DHX57: variants seen among roughly 807,000 people sequenced by gnomAD.
DHX57 encodes DExH-box helicase 57.
DHX57 carries 105 observed loss-of-function variants against 156.2 expected under a neutral mutation model. The ratio of observed to expected loss-of-function variants is 0.67; its 90% CI spans 0.57 to 0.79. The LOEUF is 0.79. DHX57 is among the 30% of genes least tolerant of loss of function. The probability of loss-of-function intolerance (pLI) is 0.00; values close to 1 mark genes in which losing one functional copy is unlikely to be tolerated. For synonymous variants in DHX57, 704 were observed against 595.6 expected (o/e 1.18, Z -2.65); for missense variants, 1,847 against 1,661.9 (o/e 1.11, Z -1.94).
intron 23 of DHX57, among the ~76,000 whole-genome samples, chr2:38,800,563 A>G (rs1407596774): frequency 6.6e-6 from 1 of 152,156 alleles, no homozygotes; most frequent in Non-Finnish European, 1.5e-5. Flanking sequence ...GAGCCCTGCC[A>G]GGGTGAATGG....
chr2:38,863,797 GA>G (rs1664897881), intron 2 of DHX57, among the ~76,000 whole-genome samples: 2 of 152,192 alleles, frequency 1.3e-5, no homozygotes, highest in South Asian at 4.1e-4. Flanking sequence ...CGGATCACCT[GA>G]GGTCAGGAGT....
intron 4 of DHX57, 49 bp downstream of exon 4, chr2:38,862,096 G>C: frequency 6.5e-7 from 1 of 1,527,928 alleles, no homozygotes; most frequent in Non-Finnish European, 8.8e-7. Context: ...ATATGATTTC[G>C]GTTTCCTTGA....
chr2:38,838,426 G>T (rs763040650), intron 12 of DHX57, among the ~76,000 whole-genome samples: 1 of 152,082 alleles, frequency 6.6e-6, no homozygotes, highest in Admixed American at 6.6e-5. Context: ...AGAAAATCCA[G>T]CCTCATCAGA....
intron 6 of DHX57, among the ~76,000 whole-genome samples, chr2:38,857,835 G>T (rs907224738): frequency 6.6e-6 from 1 of 152,184 alleles, no homozygotes; most frequent in Non-Finnish European, 1.5e-5. Context: ...TTGAGTCTTT[G>T]AAACAGGGTA....
chr2:38,819,037 T>TTA lies in DHX57; in HGVS notation c.3387+10_3387+11dup, dbSNP rs562119367. ...CTGGTAATAAAACTAAGCTATTAGGTTATATACTTACCTTATACGCTTGTA... is the reference window on the plus strand; with the variant it reads ...CTGGTAATAAAACTAAGCTATTAGGTTATATATACTTACCTTATACGCTTGTA... On this transcript the variant is annotated intron_variant, in intron 18 of 23. Coordinates refer to ENST00000457308, the MANE Select transcript of DHX57 (RefSeq NM_198963.3). The TTA allele has an allele frequency of 5.1e-4, 821 of 1,614,122 alleles. 7 individuals are homozygous for TTA. In the African/African-American group the frequency reaches 9.6e-3, roughly 19 times the overall value.
At chr2:38,841,215 T>A (rs184858918) in intron 12 of DHX57, among the ~76,000 whole-genome samples, 43 of 152,354 alleles carry the variant, frequency 2.8e-4, no homozygotes, top group African/African-American at 1.0e-3. Context: ...AATTTTTTAG[T>A]TAGACATATT....
At chr2:38,813,967 TTG>T (rs1670401503) in intron 20 of DHX57, 72 bp from the exon 21 acceptor site, 7 of 1,544,718 alleles carry the variant, frequency 4.5e-6, no homozygotes, top group African/African-American at 1.4e-5. Flanking sequence ...AGATGGAGTC[TTG>T]CTCTGTCACC....
Position 38,863,378 on chromosome 2 carries a change from A to G in DHX57, c.366T>C (p.Asp122=), listed in dbSNP as rs889235506. The G allele has an allele frequency of 6.2e-7, 1 of 1,612,164 alleles. No homozygotes were observed. Among genetic ancestry groups the G allele is most frequent in the Non-Finnish European group, 8.5e-7 (1 of 1,179,614 alleles). The change falls in exon 3 of 24, where the codon GAT becomes GAC. Residue 122 remains aspartate (D), a synonymous_variant. Transcript: ENST00000457308. ...CAATTTACTCAGATCCAGCATCAGC[A>G]TCTTGTTCTTGCAGGTCTCGGAGAA... ...KALLRDLQEQ[D]ADAGSERGLS... is the part of the protein sequence containing the mutation.
At chr2:38,812,680 T>C (rs979298097) in intron 21 of DHX57, among the ~76,000 whole-genome samples, 1 of 151,862 alleles carries the variant, frequency 6.6e-6, no homozygotes, top group Admixed American at 6.6e-5. Context: ...ATTACAGGCA[T>C]GCACCACCAC....
At chr2:38,819,174 G>T (rs756273017) in intron 17 of DHX57, 30 bp from the exon 18 acceptor site, 1 of 1,601,294 alleles carries the variant, frequency 6.2e-7, no homozygotes, top group Non-Finnish European at 8.5e-7. Context: ...CAGATTTAAA[G>T]AACACTTTTT....
intron 23 of DHX57, among the ~76,000 whole-genome samples, chr2:38,800,050 T>C (rs1165628024): frequency 1.3e-5 from 2 of 151,916 alleles, no homozygotes; most frequent in African/African-American, 4.8e-5. Flanking sequence ...AGCCGGGTGG[T>C]GGCGTATGCC....
At chr2:38,812,460 G>C (rs1378866447) in intron 21 of DHX57, among the ~76,000 whole-genome samples, 1 of 152,194 alleles carries the variant, frequency 6.6e-6, no homozygotes, top group African/African-American at 2.4e-5. Context: ...TCAAAACTCA[G>C]GTAAAAGTCC....
chr2:38,846,984 T>C (rs1365461980), intron 11 of DHX57, 35 bp downstream of exon 11: 1 of 1,568,910 alleles, frequency 6.4e-7, no homozygotes, highest in South Asian at 1.1e-5. Flanking sequence ...CCATGCCAGG[T>C]CCTTTCACTG....
chr2:38,817,201 G>C (rs1467984269), intron 19 of DHX57, among the ~76,000 whole-genome samples: 1 of 152,076 alleles, frequency 6.6e-6, no homozygotes, highest in Non-Finnish European at 1.5e-5. Flanking sequence ...CAAAGTGCTG[G>C]GATTATAGGC....
intron 9 of DHX57, among the ~76,000 whole-genome samples, chr2:38,852,275 C>T (rs973700548): frequency 4.7e-5 from 7 of 149,554 alleles, no homozygotes; most frequent in African/African-American, 1.7e-4. Context: ...CTCCCAGGTT[C>T]AAGCGATTCT....
chr2:38,836,057 C>T (rs1671638496), intron 13 of DHX57, among the ~76,000 whole-genome samples: 1 of 152,210 alleles, frequency 6.6e-6, no homozygotes, highest in East Asian at 1.9e-4. Flanking sequence ...TGCCAGCAAA[C>T]ACATTGACAT....
chr2:38,874,211 C>G (rs539991620), intron 1 of DHX57, among the ~76,000 whole-genome samples: 1 of 152,100 alleles, frequency 6.6e-6, no homozygotes, highest in East Asian at 1.9e-4. Flanking sequence ...CCTGCCTCAG[C>G]CTCCTGAATA....
chr2:38,811,129 G>A (rs943762313), intron 21 of DHX57: 5 of 539,004 alleles, frequency 9.3e-6, no homozygotes, highest in East Asian at 3.8e-5. Context: ...TGAGGTTCTC[G>A]TCCATGTTCC....
intron 8 of DHX57, 30 bp downstream of exon 8, chr2:38,855,027 G>A: frequency 6.2e-7 from 1 of 1,613,734 alleles, no homozygotes; most frequent in Admixed American, 1.7e-5. Flanking sequence ...ATAAATTTCT[G>A]TTACCAGGAA....
Sources: gnomAD v4.1 joint callset for allele counts (sites outside exome capture counted in the v4.1 genomes callset) on GRCh38, gnomAD v4.1.1 for gene constraint, MANE v1.5 for transcripts, NCBI Gene and HGNC (gene_info 2026-07-23, HGNC 2026-07-21) for gene names.